The following MAP4K5 variants were observed in gnomAD, a reference collection of about 807,000 sequenced individuals.
The protein encoded by MAP4K5 is MAPK/ERK kinase kinase kinase 5.
In MAP4K5, 82 loss-of-function variants were observed where a neutral mutation model predicts 135.6. The ratio of observed to expected loss-of-function variants is 0.60; its 90% CI spans 0.51 to 0.73. The LOEUF is 0.73. Ranked by LOEUF, MAP4K5 falls within the 30% of genes least tolerant of loss-of-function variation. MAP4K5 has a pLI of 0.00. For missense variants in MAP4K5, 907 were observed against 1,010.9 expected (o/e 0.90, Z 1.39); for synonymous variants, 347 against 335.0 (o/e 1.04, Z -0.39).
intron 10 of MAP4K5, 103 bp from the exon 11 acceptor site, chr14:50,466,748 G>A: frequency 3.4e-6 from 2 of 583,310 alleles, no homozygotes; most frequent in Non-Finnish European, 6.2e-6. Context: ...CACATAAGTG[G>A]ACAATGATGA....
At chr14:50,470,636 A>C (rs567968524) in intron 9 of MAP4K5, among the ~76,000 whole-genome samples, 1 of 133,266 alleles carries the variant, frequency 7.5e-6, no homozygotes, top group South Asian at 2.6e-4. Context: ...CCTGTTTCAC[A>C]TATTTTCATC....
At chr14:50,451,010 A>C (rs771983444) in intron 14 of MAP4K5, among the ~76,000 whole-genome samples, 13 of 152,342 alleles carry the variant, frequency 8.5e-5, no homozygotes, top group Middle Eastern at 3.4e-3. Flanking sequence ...AACAGCTATA[A>C]ATATGTTCAA....
Position 50,456,550 on chromosome 14 carries a change from A to C in MAP4K5, c.981T>G (p.Asn327Lys). ...CTGAAGCTGTCCGTTCAGCTCTGGC[A>C]TTCCTGTTTGTAGATCTAATGGTAT... ...IRHTIRSTNR[N>K]ARAERTASEI... Residue 327 changes from asparagine to lysine, a missense_variant, in exon 14 of 33, where the codon AAT becomes AAG. Asn to Lys is a moderately conservative substitution (Grantham distance 94). Transcript: ENST00000682126. 6.3e-7 allele frequency: 1 copy of C among 1,580,954 alleles called. No homozygotes were observed. Among genetic ancestry groups the C allele is most frequent in the Non-Finnish European group, 8.6e-7 (1 of 1,162,148 alleles).
At chr14:50,491,720 G>GT (rs368789850) in intron 3 of MAP4K5, among the ~76,000 whole-genome samples, 1 of 143,502 alleles carries the variant, frequency 7.0e-6, no homozygotes, top group African/African-American at 2.5e-5. Context: ...GGGTTTCACT[G>GT]TATTGCCCAG....
intron 13 of MAP4K5, among the ~76,000 whole-genome samples, chr14:50,459,312 T>C (rs989646643): frequency 4.6e-5 from 7 of 152,220 alleles, no homozygotes; most frequent in African/African-American, 7.2e-5. Flanking sequence ...ACTGCTCAAG[T>C]CAAAATCTGG....
At chr14:50,547,907 C>T (rs909569615) in intron 1 of MAP4K5, among the ~76,000 whole-genome samples, 2 of 152,190 alleles carry the variant, frequency 1.3e-5, no homozygotes, top group Non-Finnish European at 2.9e-5. Context: ...CCTGCACAAC[C>T]CCACCATCTA....
intron 30 of MAP4K5, among the ~76,000 whole-genome samples, chr14:50,427,496 T>C (rs960746825): frequency 1.3e-5 from 2 of 152,160 alleles, no homozygotes; most frequent in African/African-American, 4.8e-5. Flanking sequence ...GAGAAATACA[T>C]ATTAAAATGT....
chr14:50,559,534 A>C (rs941809467), intron 1 of MAP4K5: 4 of 152,160 alleles, frequency 2.6e-5, no homozygotes, highest in African/African-American at 9.7e-5. Context: ...TTGCTATTGG[A>C]CTATAGGTCT....
At chr14:50,530,765 T>C (rs1252440817) in intron 2 of MAP4K5, among the ~76,000 whole-genome samples, 1 of 152,148 alleles carries the variant, frequency 6.6e-6, no homozygotes, top group African/African-American at 2.4e-5. Flanking sequence ...CAAATGCTTG[T>C]TTAAGCAATA....
chr14:50,482,478 TA>T (rs11364906), intron 5 of MAP4K5, 62 bp from the exon 6 acceptor site: 1,197,326 of 1,199,040 alleles, frequency 1, 597,832 homozygotes, highest in East Asian at 1. Context: ...ACAGTCTACT[TA>T]AAAAAAATGG....
At chr14:50,421,616 T>C (rs929105071) in intron 32 of MAP4K5, among the ~76,000 whole-genome samples, 4 of 151,762 alleles carry the variant, frequency 2.6e-5, no homozygotes, top group Non-Finnish European at 2.9e-5. Flanking sequence ...TGTTTAGATA[T>C]GTATCTTAAA....
At chr14:50,490,095 GAGAGACAGAC>G (rs1200627370) in intron 3 of MAP4K5, among the ~76,000 whole-genome samples, 1 of 148,816 alleles carries the variant, frequency 6.7e-6, no homozygotes, top group East Asian at 2.0e-4. Flanking sequence ...GTGTGAGAGA[GAGAGACAGAC>G]AGAGAGAGAC....
upstream of MAP4K5, among the ~76,000 whole-genome samples, chr14:50,537,513 C>G (rs1211237127): frequency 6.6e-6 from 1 of 152,174 alleles, no homozygotes; most frequent in East Asian, 1.9e-4. Context: ...CTCCAGATCA[C>G]AGAATGGTGG....
At chr14:50,509,232 T>C (rs1292402924) in intron 2 of MAP4K5, among the ~76,000 whole-genome samples, 1 of 89,500 alleles carries the variant, frequency 1.1e-5, no homozygotes, top group East Asian at 3.1e-4. Context: ...GGGCCTGTCA[T>C]GGGGTGGGGG....
intron 1 of MAP4K5, among the ~76,000 whole-genome samples, chr14:50,552,293 T>G (rs1448862315): frequency 6.6e-6 from 1 of 152,054 alleles, no homozygotes; most frequent in Non-Finnish European, 1.5e-5. Context: ...AATAAAATAC[T>G]TAGGAATATG....
chr14:50,466,234 T>G (rs557334176), intron 11 of MAP4K5, among the ~76,000 whole-genome samples: 4 of 151,710 alleles, frequency 2.6e-5, no homozygotes, highest in Admixed American at 2.6e-4. Flanking sequence ...CAAACAAAAC[T>G]TAGCCAGTTG....
chr14:50,452,140 G>T (rs2036503301), intron 14 of MAP4K5, among the ~76,000 whole-genome samples: 1 of 152,088 alleles, frequency 6.6e-6, no homozygotes, highest in Non-Finnish European at 1.5e-5. Flanking sequence ...TATGATGTTT[G>T]GTAGGTTAGG....
chr14:50,549,452 A>T (rs1006672102), intron 1 of MAP4K5, among the ~76,000 whole-genome samples: 2 of 152,080 alleles, frequency 1.3e-5, no homozygotes, highest in African/African-American at 4.8e-5. Flanking sequence ...TACAACCTCC[A>T]CAGGACTGAC....
intron 28 of MAP4K5, among the ~76,000 whole-genome samples, chr14:50,432,259 T>C (rs1295381042): frequency 6.6e-6 from 1 of 152,182 alleles, no homozygotes; most frequent in Non-Finnish European, 1.5e-5. Context: ...TGTTCAACAA[T>C]GAACACAGCT....
Sources: gnomAD v4.1 joint callset for allele counts (sites outside exome capture counted in the v4.1 genomes callset) on GRCh38, gnomAD v4.1.1 for gene constraint, MANE v1.5 for transcripts, NCBI Gene and HGNC (gene_info 2026-07-23, HGNC 2026-07-21) for gene names.